KCNMA1: variants seen among roughly 807,000 people sequenced by gnomAD.
KCNMA1 encodes the protein Calcium-activated potassium channel subunit alpha-1.
Under a neutral mutation model 140.0 loss-of-function variants are expected in KCNMA1, and 29 were observed. The observed-to-expected ratio is 0.21, with a 90% CI of 0.15 to 0.28. The LOEUF (loss-of-function observed/expected upper bound fraction) is 0.28, where lower values mean the gene tolerates loss of function less well. KCNMA1 is among the 10% of genes least tolerant of loss of function. The pLI is 1.00. For missense variants in KCNMA1, 880 were observed against 1,602.2 expected, an observed-to-expected ratio of 0.55 and a Z score of 7.70; for synonymous variants, 612 against 611.9, an observed-to-expected ratio of 1.00 and a Z score of 0.00.
chr10:77,177,102 A>G (rs563251107), intron 5 of KCNMA1, among the ~76,000 whole-genome samples: 1 of 152,222 alleles, frequency 6.6e-6, no homozygotes, highest in African/African-American at 2.4e-5. Context: ...AAAGGCAAGG[A>G]CATGGAATCT....
Position 76,886,273 on chromosome 10 carries a change from A to G in KCNMA1, c.*993T>C, listed in dbSNP as rs201539844. The G allele has an allele frequency of 5.1e-6, 5 of 985,414 alleles. No homozygotes were observed. The highest frequency in any genetic ancestry group is 6.0e-6 in the Non-Finnish European group (5 of 829,898). 61.0% of individuals were successfully genotyped at this position (985,414 alleles called of 1,614,324 possible). A position where few individuals can be genotyped will look rare whatever the true frequency, so the allele number is the denominator to read the frequency against. On this transcript the variant is annotated 3_prime_UTR_variant, in exon 28 of 28. Coordinates refer to ENST00000286628, the MANE Select transcript of KCNMA1 (RefSeq NM_001161352.2). ...GAGTAAAAAGATCCCCTGAGAATGC[A>G]TGGAAAAATACTTGCTCTTTCCTGA...
chr10:76,993,559 T>C (rs1186233533), intron 19 of KCNMA1, among the ~76,000 whole-genome samples: 1 of 152,200 alleles, frequency 6.6e-6, no homozygotes, highest in Non-Finnish European at 1.5e-5. Flanking sequence ...AGATCAAGTC[T>C]TCCTTCTGAA....
chr10:76,949,503 T>C (rs542224830), intron 21 of KCNMA1, 137 bp from the exon 22 acceptor site: 2 of 747,652 alleles, frequency 2.7e-6, no homozygotes, highest in African/African-American at 1.7e-5. Flanking sequence ...TTTTATTTCA[T>C]CAATGTTATA....
At chr10:77,496,218 C>T (rs1439647083) in intron 1 of KCNMA1, among the ~76,000 whole-genome samples, 1 of 152,128 alleles carries the variant, frequency 6.6e-6, no homozygotes, top group African/African-American at 2.4e-5. Context: ...TGTCTGTCAC[C>T]CTCCTCACCA....
chr10:77,214,566 A>G (rs2047107891), intron 3 of KCNMA1, among the ~76,000 whole-genome samples: 4 of 152,158 alleles, frequency 2.6e-5, no homozygotes, highest in Admixed American at 2.6e-4. Flanking sequence ...TGTCCTCCAT[A>G]GCCAACCACA....
At chr10:77,542,763 T>G (rs1211060159) in intron 1 of KCNMA1, among the ~76,000 whole-genome samples, 2 of 151,724 alleles carry the variant, frequency 1.3e-5, no homozygotes, top group Non-Finnish European at 2.9e-5. Flanking sequence ...GGGGTGAGGG[T>G]GGGGGCAGGA....
At chr10:77,448,624 G>C (rs944449738) in intron 1 of KCNMA1, among the ~76,000 whole-genome samples, 5 of 152,182 alleles carry the variant, frequency 3.3e-5, no homozygotes, top group Non-Finnish European at 7.3e-5. Flanking sequence ...GGGAGGTTCA[G>C]AAAGGGCCCC....
chr10:77,368,678 G>A (rs1478161729), intron 2 of KCNMA1, among the ~76,000 whole-genome samples: 2 of 152,122 alleles, frequency 1.3e-5, no homozygotes, highest in Non-Finnish European at 2.9e-5. Context: ...ACTTATATCT[G>A]TGATCCACTT....
intron 2 of KCNMA1, among the ~76,000 whole-genome samples, chr10:77,270,243 C>A (rs146447805): frequency 6.6e-6 from 1 of 152,294 alleles, no homozygotes; most frequent in East Asian, 1.9e-4. Flanking sequence ...AAATCCACAC[C>A]ATTTTTGAGC....
rs1471755854 is a variant in KCNMA1, at chr10:76,984,404, G to A, written c.2267-14337C>T. 4.6e-5 allele frequency among the ~76,000 whole-genome samples: 7 copies of A among 152,106 alleles called. No individual in the cohort carries two copies. In the East Asian group the frequency reaches 1.4e-3, roughly 29 times the overall value. On this transcript the variant is annotated intron_variant, in intron 19 of 27. Transcript: ENST00000286628. Reference sequence around the variant, plus strand: ...GGGGTTTCACCGTGTTGGCCAGGCTGGTCTCAAACTCCTAACCTCAAGTGA... The same window carrying A: ...GGGGTTTCACCGTGTTGGCCAGGCTAGTCTCAAACTCCTAACCTCAAGTGA...
At position 76,886,044 on chromosome 10, in the gene KCNMA1, C is replaced by T. The variant is rs199591974; in HGVS notation, c.*1222G>A. The T allele has an allele frequency of 3.6e-5, 35 of 985,420 alleles. No individual in the cohort carries two copies. Among genetic ancestry groups the T allele is most frequent in the East Asian group, 1.1e-4 (1 of 8,792 alleles). 61.0% of individuals were successfully genotyped at this position (985,420 alleles called of 1,614,324 possible). ...CTGCATTGGGACAGCCAGCACCGCA[C>T]AGCTGTGCCAACAGTTGAAGGTGGT... On this transcript the variant is annotated 3_prime_UTR_variant, in exon 28 of 28. Coordinates refer to ENST00000286628, the MANE Select transcript of KCNMA1 (RefSeq NM_001161352.2).
intron 6 of KCNMA1, among the ~76,000 whole-genome samples, chr10:77,116,858 T>C (rs1248031152): frequency 2.0e-5 from 3 of 152,144 alleles, no homozygotes; most frequent in Admixed American, 2.0e-4. Context: ...CTTTCTAAAA[T>C]GTCAGTCTAA....
At chr10:77,296,911 G>GA (rs1565808082) in intron 2 of KCNMA1, among the ~76,000 whole-genome samples, 1 of 148,160 alleles carries the variant, frequency 6.7e-6, no homozygotes, top group African/African-American at 2.4e-5. Flanking sequence ...GGGTGTGTGG[G>GA]CGGGGGGGCG....
At chr10:76,979,064 A>G (rs1167914835) in intron 19 of KCNMA1, among the ~76,000 whole-genome samples, 2 of 152,120 alleles carry the variant, frequency 1.3e-5, no homozygotes, top group Non-Finnish European at 2.9e-5. Context: ...CACCTCGCCC[A>G]ATTTCCAGCC....
intron 5 of KCNMA1, among the ~76,000 whole-genome samples, chr10:77,181,554 A>G (rs1012353989): frequency 6.6e-6 from 1 of 152,188 alleles, no homozygotes; most frequent in African/African-American, 2.4e-5. Flanking sequence ...CCAAATCTTT[A>G]TCTTACAGAT....
At chr10:77,521,278 A>G (rs1376860401) in intron 1 of KCNMA1, among the ~76,000 whole-genome samples, 7 of 152,232 alleles carry the variant, frequency 4.6e-5, no homozygotes, top group Non-Finnish European at 7.3e-5. Context: ...AGCAACCTTT[A>G]AGAAGCCACA....
intron 1 of KCNMA1, among the ~76,000 whole-genome samples, chr10:77,437,439 G>A (rs754499290): frequency 1.3e-5 from 2 of 152,160 alleles, no homozygotes; most frequent in African/African-American, 4.8e-5. Context: ...CTATGGTGGT[G>A]GGATTATGAC....
rs112136606 is a variant in KCNMA1, at chr10:77,031,355, C to T, written c.1860-3464G>A. On this transcript the variant is annotated intron_variant, in intron 15 of 27. Coordinates refer to ENST00000286628, the MANE Select transcript of KCNMA1 (RefSeq NM_001161352.2). ...GCTAAAAGGGAGTGCAGCTGTGAAG[C>T]ACTTATCCCTCTGGATGGGATGTTT... Among the ~76,000 whole-genome samples the T allele has an allele frequency of 8.7e-4, 133 of 152,322 alleles. 1 individual carries two copies. The highest frequency in any genetic ancestry group is 3.0e-3 in the African/African-American group (125 of 41,564).
At chr10:76,951,956 T>C (rs2066424414) in intron 21 of KCNMA1, 12 of 1,301,292 alleles carry the variant, frequency 9.2e-6, no homozygotes, top group African/African-American at 2.9e-5. Flanking sequence ...GTAACTAGAA[T>C]GGTGTGTGGC....
Sources: gnomAD v4.1 joint callset for allele counts (sites outside exome capture counted in the v4.1 genomes callset) on GRCh38, gnomAD v4.1.1 for gene constraint, MANE v1.5 for transcripts, NCBI Gene and HGNC (gene_info 2026-07-23, HGNC 2026-07-21) for gene names.